The following SPECC1 variants were observed in gnomAD, a reference collection of about 807,000 sequenced individuals.
SPECC1 encodes the protein cytospin-B.
SPECC1 carries 62 observed loss-of-function variants against 104.1 expected under a neutral mutation model. That is an observed-to-expected ratio of 0.60 (90% confidence interval 0.49 to 0.74). SPECC1 has a LOEUF of 0.74. Ranked by LOEUF, SPECC1 falls within the 30% of genes least tolerant of loss-of-function variation. The pLI is 0.00. For synonymous variants in SPECC1, 513 were observed against 501.6 expected (o/e 1.02, Z -0.30); for missense variants, 1,306 against 1,310.5 (o/e 1.00, Z 0.05).
intron 1 of SPECC1, among the ~76,000 whole-genome samples, chr17:20,031,381 G>A (rs1227068282): frequency 2.0e-5 from 3 of 152,056 alleles, no homozygotes; most frequent in African/African-American, 7.2e-5. Context: ...GTGCGGTGGC[G>A]CAATCTCAGC....
intron 1 of SPECC1, among the ~76,000 whole-genome samples, chr17:20,038,502 C>T (rs1412364155): frequency 2.0e-5 from 3 of 149,798 alleles, no homozygotes; most frequent in African/African-American, 4.9e-5. Context: ...TGTGTTCAAG[C>T]GATTCTCCTA....
chr17:20,288,796 T>G (rs977341065), intron 12 of SPECC1, among the ~76,000 whole-genome samples: 56 of 84,638 alleles, frequency 6.6e-4, no homozygotes, highest in African/African-American at 2.8e-3. Flanking sequence ...TTTTTTTTTT[T>G]GTCCCAAGAC....
intron 1 of SPECC1, among the ~76,000 whole-genome samples, chr17:20,067,687 A>G (rs911611379): frequency 1.3e-5 from 2 of 152,164 alleles, no homozygotes; most frequent in African/African-American, 2.4e-5. Context: ...AGTATATATC[A>G]TATTTCTATA....
intron 1 of SPECC1, among the ~76,000 whole-genome samples, chr17:20,083,675 T>A (rs2047067095): frequency 6.6e-6 from 1 of 152,232 alleles, no homozygotes; most frequent in South Asian, 2.1e-4. Flanking sequence ...TGACTTTTGC[T>A]GTTACGAAAT....
intron 3 of SPECC1, among the ~76,000 whole-genome samples, chr17:20,119,674 A>G (rs914054002): frequency 6.6e-6 from 1 of 152,268 alleles, no homozygotes; most frequent in Non-Finnish European, 1.5e-5. Flanking sequence ...ACAGACCATT[A>G]GGAGCAGTGG....
In SPECC1 at chr17:20,317,647, G is replaced by T; in HGVS notation, c.*3582G>T. On this transcript the variant is annotated 3_prime_UTR_variant, in exon 15 of 15. Transcript: ENST00000395527. ...AGGCTGAGGTGGGAGCATCACTTGA[G>T]CCCAGGAGTTTGAGGCTGCAGTAAG... The T allele has an allele frequency of 5.0e-6, 1 of 198,154 alleles. No homozygotes were observed. The highest frequency in any genetic ancestry group is 1.0e-5 in the Non-Finnish European group (1 of 95,850). The allele number at this position is 198,154 out of a possible 1,614,324, so 12.3% of individuals were successfully genotyped here.
chr17:20,237,213 A>G (rs2038967614), intron 7 of SPECC1: 1 of 1,263,136 alleles, frequency 7.9e-7, no homozygotes, highest in East Asian at 3.4e-5. Context: ...TTGCAGCTGG[A>G]GTGCTGAAAA....
At chr17:20,174,106 T>C (rs918310105) in intron 3 of SPECC1, among the ~76,000 whole-genome samples, 1 of 152,132 alleles carries the variant, frequency 6.6e-6, no homozygotes, top group African/African-American at 2.4e-5. Flanking sequence ...TAATTTGGTA[T>C]TTTTAGTAGA....
At chr17:20,115,894 G>A (rs1023405450) in intron 3 of SPECC1, among the ~76,000 whole-genome samples, 2 of 152,216 alleles carry the variant, frequency 1.3e-5, no homozygotes, top group Non-Finnish European at 2.9e-5. Context: ...AGTAAGATAA[G>A]AGAGATGTAG....
chr17:20,306,643 T>TGTGTGCGC (rs1486857978), intron 14 of SPECC1, among the ~76,000 whole-genome samples: 1 of 152,176 alleles, frequency 6.6e-6, no homozygotes, highest in Non-Finnish European at 1.5e-5. Context: ...CACCTGGGAT[T>TGTGTGCGC]GTGTGCGCAC....
At chr17:20,142,190 T>C (rs752198765) in intron 3 of SPECC1, among the ~76,000 whole-genome samples, 3 of 152,248 alleles carry the variant, frequency 2.0e-5, no homozygotes, top group Non-Finnish European at 4.4e-5. Flanking sequence ...TAAATACTTT[T>C]TATTTTTTGG....
In SPECC1 at chr17:20,240,864, T is replaced by C. The variant is rs142885693; in HGVS notation, c.2352-5062T>C. On this transcript the variant is annotated intron_variant, in intron 7 of 14. Coordinates refer to ENST00000395527, the MANE Select transcript of SPECC1 (RefSeq NM_001243439.2). ...AAGGCAGACAGTATCAGTGTTGAAC[T>C]CTGTTTCCAGTCATGAATTTACAAA... Among the ~76,000 whole-genome samples, 964 of 152,380 alleles carry C rather than the reference T, an allele frequency of 6.3e-3. 9 individuals carry two copies. The highest frequency in any genetic ancestry group is 0.022 in the African/African-American group (913 of 41,588).
intron 14 of SPECC1, among the ~76,000 whole-genome samples, chr17:20,312,681 A>G (rs1230936060): frequency 6.6e-6 from 1 of 152,230 alleles, no homozygotes; most frequent in African/African-American, 2.4e-5. Context: ...GACTACAGCC[A>G]GTGTAGGTAG....
At chr17:20,062,280 C>G (rs80223740) in intron 1 of SPECC1, among the ~76,000 whole-genome samples, 2 of 151,444 alleles carry the variant, frequency 1.3e-5, no homozygotes, top group African/African-American at 2.4e-5. Flanking sequence ...AAATTTTGTT[C>G]TCCAGTCTAA....
chr17:20,128,712 A>G (rs1264896065), intron 3 of SPECC1, among the ~76,000 whole-genome samples: 1 of 151,824 alleles, frequency 6.6e-6, no homozygotes, highest in African/African-American at 2.4e-5. Flanking sequence ...TTTTCTTCCC[A>G]GCTTCCCCCA....
intron 1 of SPECC1, among the ~76,000 whole-genome samples, chr17:20,047,352 C>T (rs575306338): frequency 7.2e-5 from 11 of 152,252 alleles, no homozygotes; most frequent in African/African-American, 2.4e-4. Flanking sequence ...TGCCTTTTTC[C>T]GCATTATGGG....
At chr17:20,023,165 C>G (rs891810968) in intron 1 of SPECC1, among the ~76,000 whole-genome samples, 6 of 152,164 alleles carry the variant, frequency 3.9e-5, no homozygotes, top group Admixed American at 3.9e-4. Context: ...CTTGGAACTA[C>G]TTAGCTCTGC....
intron 1 of SPECC1, among the ~76,000 whole-genome samples, chr17:20,018,485 G>A (rs1047420735): frequency 3.9e-5 from 6 of 152,140 alleles, no homozygotes; most frequent in African/African-American, 1.2e-4. Context: ...TGAACTTTTG[G>A]GCTTAACTGG....
At chr17:20,202,473 C>T (rs1243977687) in intron 3 of SPECC1, among the ~76,000 whole-genome samples, 1 of 152,124 alleles carries the variant, frequency 6.6e-6, no homozygotes, top group East Asian at 1.9e-4. Flanking sequence ...CATTGAATTG[C>T]TTGCTAGATT....
Sources: allele counts gnomAD v4.1 joint callset (sites outside exome capture counted in the v4.1 genomes callset), GRCh38; gene constraint gnomAD v4.1.1; transcripts MANE v1.5; gene names NCBI Gene and HGNC (gene_info 2026-07-23, HGNC 2026-07-21).